The following WASF1 variants were observed in gnomAD, a reference collection of about 807,000 sequenced individuals.
WASF1 encodes the protein WASP family member 1.
A neutral mutation model predicts 50.5 loss-of-function variants in WASF1; 7 were observed. The ratio of observed to expected loss-of-function variants is 0.14; its 90% confidence interval spans 0.08 to 0.26. WASF1 has a LOEUF of 0.26. Ranked by LOEUF, WASF1 falls within the 10% of genes least tolerant of loss-of-function variation. The pLI is 1.00. For missense variants in WASF1, 470 were observed against 694.7 expected (o/e 0.68, Z 3.64); for synonymous variants, 205 against 244.0 (o/e 0.84, Z 1.49).
At chr6:110,116,944 A>C (rs1487840882) in intron 4 of WASF1, among the ~76,000 whole-genome samples, 2 of 152,188 alleles carry the variant, frequency 1.3e-5, no homozygotes, top group African/African-American at 4.8e-5. Flanking sequence ...GAGGGGTCTG[A>C]CTGTTAGAAG....
Position 110,169,805 on chromosome 6 carries a change from G to T in WASF1, c.-127+8793C>A, listed in dbSNP as rs563860401. On this transcript the variant is annotated intron_variant, in intron 2 of 10. Transcript: ENST00000392589. Reference sequence around the variant, plus strand: ...GAGAATCATACTTCTTCACAGGGTTGTTGTGAGGATTAAATCAAATACGTA... The same window carrying T: ...GAGAATCATACTTCTTCACAGGGTTTTTGTGAGGATTAAATCAAATACGTA... Among the ~76,000 whole-genome samples, 35 of 152,250 alleles carry T rather than the reference G, an allele frequency of 2.3e-4. No individual in the cohort carries two copies. In the East Asian group the frequency reaches 6.4e-3, roughly 28 times the overall value.
chr6:110,100,996 A>C lies in WASF1; in HGVS notation c.1523-317T>G, dbSNP rs1395052270. 2.6e-5 allele frequency among the ~76,000 whole-genome samples: 4 copies of C among 152,344 alleles called. No homozygotes were observed. The East Asian group carries it at 7.7e-4, about 29-fold the overall frequency. ...CATTTCTTCTATCACCTCAATGGTC[A>C]AATAAATTAAACATTGTTGAATATA... On this transcript the variant is annotated intron_variant, in intron 10 of 10. Transcript: ENST00000392589.
intron 3 of WASF1, among the ~76,000 whole-genome samples, chr6:110,159,899 T>A (rs1776191864): frequency 6.6e-6 from 1 of 151,804 alleles, no homozygotes; most frequent in Non-Finnish European, 1.5e-5. Context: ...TTTGGAACAT[T>A]TCAGATTTTG....
At chr6:110,100,867 G>A (rs919219380) in intron 10 of WASF1, among the ~76,000 whole-genome samples, 188 bp from the exon 11 acceptor site, 1 of 152,116 alleles carries the variant, frequency 6.6e-6, no homozygotes, top group African/African-American at 2.4e-5. Context: ...TTATTAGTTG[G>A]TAAAACTTAC....
At chr6:110,147,134 T>C (rs1295066940) in intron 3 of WASF1, among the ~76,000 whole-genome samples, 1 of 151,914 alleles carries the variant, frequency 6.6e-6, no homozygotes, top group Non-Finnish European at 1.5e-5. Flanking sequence ...GATCACGAGG[T>C]CAGGAGATCG....
At chr6:110,177,518 A>G (rs1776981546) in intron 2 of WASF1, among the ~76,000 whole-genome samples, 1 of 152,102 alleles carries the variant, frequency 6.6e-6, no homozygotes, top group African/African-American at 2.4e-5. Flanking sequence ...TTCATCAGCT[A>G]AAAGATTTAA....
intron 8 of WASF1, among the ~76,000 whole-genome samples, chr6:110,104,553 C>A (rs1354793409): frequency 6.6e-6 from 1 of 152,150 alleles, no homozygotes; most frequent in Non-Finnish European, 1.5e-5. Flanking sequence ...CTTTGGGAGG[C>A]TGAGACAGGC....
At chr6:110,161,258 T>G (rs1776251909) in intron 2 of WASF1, among the ~76,000 whole-genome samples, 1 of 151,656 alleles carries the variant, frequency 6.6e-6, no homozygotes, top group Non-Finnish European at 1.5e-5. Context: ...TATTACATTT[T>G]CTACCAACTA....
chr6:110,100,983 C>T (rs915055619), intron 10 of WASF1, among the ~76,000 whole-genome samples: 2 of 152,166 alleles, frequency 1.3e-5, no homozygotes, highest in African/African-American at 4.8e-5. Flanking sequence ...TTTCTTCTAT[C>T]ACCTCAATGG....
In WASF1 at chr6:110,135,683, A is replaced by T. The variant is rs578104979; in HGVS notation, c.-28-8054T>A. On this transcript the variant is annotated intron_variant, in intron 3 of 10. Transcript: ENST00000392589. ...AGAATTAAGGTAGTCAATGGAGTTA[A>T]GATTTCTAATCAGCTGACCTCAAAA... 4.6e-5 allele frequency among the ~76,000 whole-genome samples: 7 copies of T among 150,580 alleles called. No individual in the cohort carries two copies. The South Asian group carries it at 1.5e-3, about 32-fold the overall frequency.
intron 4 of WASF1, among the ~76,000 whole-genome samples, chr6:110,116,705 C>T (rs879847896): frequency 1.3e-5 from 2 of 152,132 alleles, no homozygotes; most frequent in Non-Finnish European, 2.9e-5. Flanking sequence ...ACTCCGAGAA[C>T]GGACAGACTG....
intron 4 of WASF1, among the ~76,000 whole-genome samples, chr6:110,126,342 G>A (rs1774415343): frequency 1.3e-5 from 2 of 151,978 alleles, no homozygotes; most frequent in Admixed American, 1.3e-4. Flanking sequence ...AATGGAACAA[G>A]GAATATACTT....
At chr6:110,133,942 A>G (rs1774820654) in intron 3 of WASF1, among the ~76,000 whole-genome samples, 1 of 152,152 alleles carries the variant, frequency 6.6e-6, no homozygotes, top group African/African-American at 2.4e-5. Flanking sequence ...GCCTAAGCCA[A>G]TGTCTAGAAG....
intron 4 of WASF1, among the ~76,000 whole-genome samples, chr6:110,127,036 C>T (rs181749341): frequency 1.4e-4 from 22 of 152,216 alleles, no homozygotes; most frequent in African/African-American, 4.8e-4. Flanking sequence ...TACCTCTCAC[C>T]TTAGATCTTT....
chr6:110,159,992 T>G (rs1584019994), intron 3 of WASF1, among the ~76,000 whole-genome samples: 1 of 151,900 alleles, frequency 6.6e-6, no homozygotes, highest in East Asian at 1.9e-4. Flanking sequence ...CAGCAATTTT[T>G]CAACTCCTAT....
At position 110,105,597 on chromosome 6, in the gene WASF1, A is replaced by G. The variant is rs762923765; in HGVS notation, c.541-18T>C. The G allele has an allele frequency of 1.2e-6, 2 of 1,607,392 alleles. No homozygotes were observed. Among genetic ancestry groups the G allele is most frequent in the Non-Finnish European group, 1.7e-6 (2 of 1,177,408 alleles). On this transcript the variant is annotated intron_variant, in intron 7 of 10. Transcript: ENST00000392589. ...TTTTTCTGCTATAACAGATGTATTG[A>G]AACAAAGTCAAATGCTTAAGCGCTA...
In WASF1 at chr6:110,101,864, G is replaced by A. The variant is rs527938629; in HGVS notation, c.1246C>T (p.Pro416Ser). The A allele has an allele frequency of 6.2e-7, 1 of 1,613,938 alleles. No individual in the cohort carries two copies. The highest frequency in any genetic ancestry group is 8.5e-7 in the Non-Finnish European group (1 of 1,179,958). ...VCETVPVHPL[P>S]QGEVQGLPPP... is the part of the protein sequence containing the mutation. The stretch of plus-strand genomic sequence containing the variant: ...GGCAGCCCCTGAACTTCACCTTGTG[G>A]GAGTGGATGAACTGGTACAGTCTCA... Residue 416 changes from proline (P) to serine (S), a missense_variant, in exon 10 of 11, where the codon CCA becomes TCA. By Grantham distance (74) the Pro-to-Ser change is moderately conservative. Coordinates refer to ENST00000392589, the MANE Select transcript of WASF1 (RefSeq NM_003931.3).
intron 2 of WASF1, chr6:110,177,148 T>G (rs981140447): frequency 2.0e-5 from 3 of 152,070 alleles, no homozygotes; most frequent in African/African-American, 7.2e-5. Flanking sequence ...ATAGCATACC[T>G]TATAAATGAT....
At chr6:110,137,856 T>C (rs1775037294) in intron 3 of WASF1, among the ~76,000 whole-genome samples, 1 of 152,244 alleles carries the variant, frequency 6.6e-6, no homozygotes, top group African/African-American at 2.4e-5. Context: ...ACCAGACTTC[T>C]ATTAAAAAGA....
Sources: gnomAD v4.1 joint callset for allele counts (sites outside exome capture counted in the v4.1 genomes callset) on GRCh38, gnomAD v4.1.1 for gene constraint, MANE v1.5 for transcripts, NCBI Gene and HGNC (gene_info 2026-07-23, HGNC 2026-07-21) for gene names.